SH3D19: variants seen among roughly 807,000 people sequenced by gnomAD.
SH3D19 encodes the protein SH3 domain containing 19, also known as SH3 domain-containing protein 19.
Under a neutral mutation model 112.1 loss-of-function variants are expected in SH3D19, and 58 were observed. The observed-to-expected ratio is 0.52, with a 90% confidence interval of 0.42 to 0.64. The LOEUF (loss-of-function observed/expected upper bound fraction) is 0.64. Among genes scored for constraint, SH3D19 ranks in the 30% least tolerant of loss-of-function variants. SH3D19 has a pLI of 0.00. For synonymous variants in SH3D19, 391 were observed against 448.5 expected, an observed-to-expected ratio of 0.87 and a Z score of 1.62; for missense variants, 1,090 against 1,263.4, an observed-to-expected ratio of 0.86 and a Z score of 2.08.
Position 151,165,642 on chromosome 4 carries a change from G to A in SH3D19, c.1589C>T (p.Pro530Leu). The A allele has an allele frequency of 1.2e-6, 2 of 1,614,120 alleles. No homozygotes were observed. The highest frequency in any genetic ancestry group is 1.1e-5 in the South Asian group (1 of 91,070). ...TEPIKERAVQPAPTRKPTVIR... is the reference protein window; with the variant it reads ...TEPIKERAVQLAPTRKPTVIR... ...TACAGTGGGCTTCCTGGTGGGTGCTGGTTGAACTGCTCGTTCTTTTATTGG... is the reference window on the plus strand; with the variant it reads ...TACAGTGGGCTTCCTGGTGGGTGCTAGTTGAACTGCTCGTTCTTTTATTGG... The change falls in exon 8 of 20, where the codon CCA (proline) becomes CTA (leucine). Residue 530 changes from proline to leucine, a missense_variant. Transcript: ENST00000604030.
intron 1 of SH3D19, among the ~76,000 whole-genome samples, chr4:151,321,726 C>T (rs930454349): frequency 4.6e-5 from 7 of 152,156 alleles, no homozygotes; most frequent in Non-Finnish European, 1.0e-4. Context: ...CCTTTTGAAC[C>T]AGCAACATAA....
chr4:151,250,339 G>A (rs1331212729), intron 1 of SH3D19, among the ~76,000 whole-genome samples: 2 of 152,116 alleles, frequency 1.3e-5, no homozygotes, highest in East Asian at 3.8e-4. Flanking sequence ...TAGTGGCATG[G>A]AAGGACTTTG....
At chr4:151,306,195 G>A (rs997040042) in intron 1 of SH3D19, among the ~76,000 whole-genome samples, 1 of 152,158 alleles carries the variant, frequency 6.6e-6, no homozygotes, top group African/African-American at 2.4e-5. Context: ...TCTGTATGGT[G>A]ACTATGGTAG....
intron 1 of SH3D19, among the ~76,000 whole-genome samples, chr4:151,292,762 T>C (rs1219815715): frequency 6.6e-6 from 1 of 152,206 alleles, no homozygotes. Flanking sequence ...TTTTACAAGA[T>C]ACGGATCCTT....
At chr4:151,202,483 G>T (rs1764535223) in intron 2 of SH3D19, among the ~76,000 whole-genome samples, 1 of 152,236 alleles carries the variant, frequency 6.6e-6, no homozygotes, top group South Asian at 2.1e-4. Context: ...TGGCACTACA[G>T]TCCAGTACTA....
At chr4:151,258,586 T>C (rs12508449) in intron 1 of SH3D19, among the ~76,000 whole-genome samples, 52,662 of 152,054 alleles carry the variant, frequency 0.35, 10,298 homozygotes, top group Non-Finnish European at 0.46. Context: ...ACCTTCCCTT[T>C]TTCTTACCTC....
chr4:151,276,048 G>A (rs1345440236), intron 1 of SH3D19, among the ~76,000 whole-genome samples: 2 of 151,756 alleles, frequency 1.3e-5, no homozygotes. Flanking sequence ...TCACCATGTT[G>A]GCCAGGATGG....
At chr4:151,218,007 T>C (rs1033574915) in intron 2 of SH3D19, among the ~76,000 whole-genome samples, 1 of 152,140 alleles carries the variant, frequency 6.6e-6, no homozygotes, top group African/African-American at 2.4e-5. Context: ...ATTATTTAAA[T>C]ATATGCTATA....
At chr4:151,176,182 C>T (rs1352726177) in intron 6 of SH3D19, among the ~76,000 whole-genome samples, 2 of 152,188 alleles carry the variant, frequency 1.3e-5, no homozygotes, top group Admixed American at 6.5e-5. Context: ...TTAAAAAAGC[C>T]TAACAGGACA....
chr4:151,126,468 T>A (rs913531755), intron 19 of SH3D19, among the ~76,000 whole-genome samples: 1 of 152,080 alleles, frequency 6.6e-6, no homozygotes, highest in Non-Finnish European at 1.5e-5. Context: ...CTGACTATGG[T>A]CCAGTTGTGG....
intron 1 of SH3D19, among the ~76,000 whole-genome samples, chr4:151,246,011 A>G (rs1770917571): frequency 6.6e-6 from 1 of 151,266 alleles, no homozygotes; most frequent in Admixed American, 6.6e-5. Flanking sequence ...TTGGAAAGAT[A>G]TATGACTTTA....
At chr4:151,229,269 T>C (rs1444251899) in intron 1 of SH3D19, among the ~76,000 whole-genome samples, 3 of 152,158 alleles carry the variant, frequency 2.0e-5, no homozygotes, top group African/African-American at 7.2e-5. Flanking sequence ...ATGAATAACT[T>C]TCTAGCCCAA....
chr4:151,259,027 G>A (rs867548453), intron 1 of SH3D19, among the ~76,000 whole-genome samples: 1 of 152,096 alleles, frequency 6.6e-6, no homozygotes, highest in South Asian at 2.1e-4. Context: ...CTCTGTAGCA[G>A]CAAGAATCCA....
At chr4:151,238,271 A>AT (rs147152551) in intron 1 of SH3D19, among the ~76,000 whole-genome samples, 3 of 151,972 alleles carry the variant, frequency 2.0e-5, no homozygotes, top group Non-Finnish European at 2.9e-5. Context: ...TTAAATGTAA[A>AT]TTTTTTTATC....
intron 11 of SH3D19, among the ~76,000 whole-genome samples, chr4:151,147,685 CT>C (rs1458044968): frequency 6.6e-6 from 1 of 152,146 alleles, no homozygotes; most frequent in Non-Finnish European, 1.5e-5. Context: ...TGGTCTCAAA[CT>C]TTTGGCCTCA....
chr4:151,217,995 ATAT>A (rs1431467754), intron 2 of SH3D19, among the ~76,000 whole-genome samples: 2 of 152,140 alleles, frequency 1.3e-5, no homozygotes, highest in Non-Finnish European at 2.9e-5. Context: ...TTTGTTCTAA[ATAT>A]TATTTAAATA....
chr4:151,168,780 G>A lies in SH3D19; in HGVS notation c.1535-3084C>T, dbSNP rs1458437741. 2.0e-5 allele frequency among the ~76,000 whole-genome samples: 3 copies of A among 152,064 alleles called. No individual in the cohort carries two copies. In the East Asian group the frequency reaches 5.8e-4, roughly 29 times the overall value. ...CTGCTTTTGGTATCAATACCCTGTTGGTTATTAGTTTAAAATTTTAGTCAA... is the reference window on the plus strand; with the variant it reads ...CTGCTTTTGGTATCAATACCCTGTTAGTTATTAGTTTAAAATTTTAGTCAA... On this transcript the variant is annotated intron_variant, in intron 7 of 19. Transcript: ENST00000604030.
At chr4:151,202,083 C>T (rs139495787) in intron 2 of SH3D19, among the ~76,000 whole-genome samples, 2,760 of 151,888 alleles carry the variant, frequency 0.018, 73 homozygotes, top group African/African-American at 0.061. Flanking sequence ...CGCCTGTAAT[C>T]CCAGCACTTT....
intron 2 of SH3D19, among the ~76,000 whole-genome samples, chr4:151,190,615 C>T (rs1247274090): frequency 6.6e-6 from 1 of 152,200 alleles, no homozygotes; most frequent in Admixed American, 6.5e-5. Context: ...TTGGCAGCTT[C>T]CATGTGGTGT....
Sources: allele counts gnomAD v4.1 joint callset (sites outside exome capture counted in the v4.1 genomes callset), GRCh38; gene constraint gnomAD v4.1.1; transcripts MANE v1.5; gene names NCBI Gene and HGNC (gene_info 2026-07-23, HGNC 2026-07-21).